MYH3: variants seen among roughly 807,000 people sequenced by gnomAD.
MYH3 encodes the protein myosin heavy chain 3.
In MYH3, 130 loss-of-function variants were observed where a neutral mutation model predicts 238.0. That is an observed-to-expected ratio of 0.55 (90% CI 0.47 to 0.63). MYH3 has a LOEUF of 0.63. MYH3 is among the 30% of genes least tolerant of loss of function. MYH3 has a pLI of 0.00. For missense variants in MYH3, 1,853 were observed against 2,374.9 expected, an observed-to-expected ratio of 0.78 and a Z score of 4.57; for synonymous variants, 880 against 924.1, an observed-to-expected ratio of 0.95 and a Z score of 0.86.
In MYH3 at chr17:10,634,196, C is replaced by T. The variant is rs765586237; in HGVS notation, c.4357-14G>A. On this transcript the variant is annotated splice_polypyrimidine_tract_variant and intron_variant, in intron 31 of 40. Coordinates refer to ENST00000583535, the MANE Select transcript of MYH3 (RefSeq NM_002470.4). ...CTCTGCCAACACCTGAAACACCGGACGGAAGTTCTCTCCGTTTCTGAGCTC... is the reference window on the plus strand; with the variant it reads ...CTCTGCCAACACCTGAAACACCGGATGGAAGTTCTCTCCGTTTCTGAGCTC... The T allele has an allele frequency of 7.4e-6, 12 of 1,613,966 alleles. No individual in the cohort carries two copies. The East Asian group carries it at 8.9e-5, about 12-fold the overall frequency.
chr17:10,672,126 A>AG, the MYH3 span, among the ~76,000 whole-genome samples: 1 of 152,194 alleles, frequency 6.6e-6, no homozygotes, highest in Non-Finnish European at 1.5e-5. Context: ...GGGAGGAGGC[A>AG]GTGGGTATTG....
At chr17:10,633,214 T>G (rs2074182080) in intron 33 of MYH3, among the ~76,000 whole-genome samples, 1 of 152,040 alleles carries the variant, frequency 6.6e-6, no homozygotes, top group Non-Finnish European at 1.5e-5. Context: ...AAAAAAAAAG[T>G]CCCAAATTTA....
At chr17:10,630,820 C>T (rs1410184373) in intron 36 of MYH3, among the ~76,000 whole-genome samples, 1 of 151,878 alleles carries the variant, frequency 6.6e-6, no homozygotes, top group African/African-American at 2.4e-5. Flanking sequence ...CATTGCACTC[C>T]AGCCTGGTCA....
At chr17:10,635,665 C>G (rs548047227) in intron 29 of MYH3, 70 bp downstream of exon 29, 17 of 1,612,814 alleles carry the variant, frequency 1.1e-5, no homozygotes, top group Admixed American at 1.7e-5. Context: ...AATGAAGTTG[C>G]CTTTTATTTT....
At position 10,645,781 on chromosome 17, in the gene MYH3, G is replaced by A; in HGVS notation, c.1067C>T (p.Ala356Val). The change falls in exon 12 of 41, where the codon GCC (alanine) becomes GTC (valine). Residue 356 changes from alanine (A) to valine (V), a missense_variant. By Grantham distance (64) the Ala-to-Val change is moderately conservative. Around this residue, in one of 3 missense-constraint regions of MYH3, gnomAD observed 678 missense variants for 1,058.9 expected, o/e 0.64. Coordinates refer to ENST00000583535, the MANE Select transcript of MYH3 (RefSeq NM_002470.4). Reference sequence around the variant, plus strand: ...CTTCATGTTCCCGTAGTGCATCACGGCTCCCGTCAGCTTGTAGAGCCCAGA... The same window carrying A: ...CTTCATGTTCCCGTAGTGCATCACGACTCCCGTCAGCTTGTAGAGCCCAGA... Reference protein sequence around the residue: ...EKSGLYKLTGAVMHYGNMKFK... With the variant: ...EKSGLYKLTGVVMHYGNMKFK... The A allele has an allele frequency of 6.2e-7, 1 of 1,613,860 alleles. No individual in the cohort carries two copies. The highest frequency in any genetic ancestry group is 8.5e-7 in the Non-Finnish European group (1 of 1,179,998).
intron 28 of MYH3, among the ~76,000 whole-genome samples, chr17:10,636,288 CAAAAAAAAAAAAA>C: frequency 1.2e-5 from 1 of 81,036 alleles, no homozygotes; most frequent in East Asian, 5.0e-4. Context: ...GCCTCAATCT[CAAAAAAAAAAAAA>C]AAAAAAAAGA....
Position 10,654,313 on chromosome 17 carries a change from A to G in MYH3, c.204+548T>C, listed in dbSNP as rs1597494689. ...TCTCCTGATGTGGATTTTAGAAACTAGTGAGCTCCAGAATTCCTCGCAGCA... is the reference window on the plus strand; with the variant it reads ...TCTCCTGATGTGGATTTTAGAAACTGGTGAGCTCCAGAATTCCTCGCAGCA... On this transcript the variant is annotated intron_variant, in intron 3 of 40. Transcript: ENST00000583535. The surrounding 1 kb of genome is among the most constrained non-coding windows in gnomAD (Gnocchi z 4.5). 6.6e-6 allele frequency among the ~76,000 whole-genome samples: 1 copy of G among 151,996 alleles called. No individual in the cohort carries two copies. Among genetic ancestry groups the G allele is most frequent in the East Asian group, 1.9e-4 (1 of 5,148 alleles).
At chr17:10,662,474 T>C in the MYH3 span, among the ~76,000 whole-genome samples, 85,440 of 152,138 alleles carry the variant, frequency 0.56, 26,127 homozygotes, top group African/African-American at 0.8. Context: ...CTAAGTCTTA[T>C]TTTGCTATGC....
chr17:10,647,257 T>A lies in MYH3; in HGVS notation c.823A>T (p.Thr275Ser), dbSNP rs2074330477. 1 of 1,614,040 alleles carries A rather than the reference T, an allele frequency of 6.2e-7. No homozygotes were observed. Among genetic ancestry groups the A allele is most frequent in the Admixed American group, 1.7e-5 (1 of 60,008 alleles). ...ETYLLEKSRV[T>S]FQLKAERSYH... The stretch of plus-strand genomic sequence containing the variant: ...CTTCTTTCAGCCTTCAGCTGGAAAG[T>A]GACTCTTGATTTTTCCAGAAGATCT... The change falls in exon 10 of 41, where the codon ACT becomes TCT. Residue 275 changes from threonine (T) to serine (S), a missense_variant. Transcript: ENST00000583535.
the MYH3 span, among the ~76,000 whole-genome samples, chr17:10,671,517 G>A: frequency 2.1e-5 from 3 of 145,926 alleles, no homozygotes; most frequent in African/African-American, 7.6e-5. Context: ...TTAACTATTT[G>A]TATTCCTCTT....
At chr17:10,677,316 G>A in the MYH3 span, 2 of 151,808 alleles carry the variant, frequency 1.3e-5, no homozygotes, top group African/African-American at 4.8e-5. Flanking sequence ...ATCTCAAAAA[G>A]AAACAAATAA....
intron 38 of MYH3, 26 bp downstream of exon 38, chr17:10,630,066 G>C (rs184126464): frequency 6.2e-7 from 1 of 1,609,372 alleles, no homozygotes; most frequent in Admixed American, 1.7e-5. Context: ...CAGAGGACAC[G>C]ATCATGGCGT....
rs764949469 is a variant in MYH3, at chr17:10,648,608, C to T, written c.684G>A (p.Leu228=). ...CAGTCTTGGCGTTCCCAAAGGCCTC[C>T]AGCAGGGGATTGGCACTGATGATTT... ...EDQIISANPL[L]EAFGNAKTVR... is the part of the protein sequence containing the mutation. Residue 228 remains leucine (L), a synonymous_variant, in exon 8 of 41, where the codon CTG becomes CTA. Transcript: ENST00000583535. 1.9e-6 allele frequency: 3 copies of T among 1,614,094 alleles called. No homozygotes were observed. Among genetic ancestry groups the T allele is most frequent in the Non-Finnish European group, 2.5e-6 (3 of 1,180,002 alleles).
Position 10,639,177 on chromosome 17 carries a change from G to T in MYH3, c.3115C>A (p.Leu1039Ile). The change falls in exon 25 of 41, where the codon CTA becomes ATA. Residue 1039 changes from leucine to isoleucine, a missense_variant. Around this residue, in one of 3 missense-constraint regions of MYH3, gnomAD observed 1,044 missense variants for 1,192.6 expected, o/e 0.88. Coordinates refer to ENST00000583535, the MANE Select transcript of MYH3 (RefSeq NM_002470.4). ...EQQVEDLESS[L>I]EQEKKLRVDL... Reference sequence around the variant, plus strand: ...ACTCGGAGCTTCTTTTCTTGTTCTAGGGAGCTTTCCAGCTGAAAAAGGCAC... The same window carrying T: ...ACTCGGAGCTTCTTTTCTTGTTCTATGGAGCTTTCCAGCTGAAAAAGGCAC... 1 of 1,614,094 alleles carries T rather than the reference G, an allele frequency of 6.2e-7. No individual in the cohort carries two copies. Among genetic ancestry groups the T allele is most frequent in the Non-Finnish European group, 8.5e-7 (1 of 1,179,986 alleles).
At chr17:10,637,335 CAG>C (rs2074225061) in intron 28 of MYH3, among the ~76,000 whole-genome samples, 1 of 152,152 alleles carries the variant, frequency 6.6e-6, no homozygotes, top group East Asian at 1.9e-4. Context: ...GCTGGGTTGA[CAG>C]GCATGAGCTA....
chr17:10,635,933 G>T, intron 28 of MYH3, 80 bp from the exon 29 acceptor site: 2 of 1,176,680 alleles, frequency 1.7e-6, no homozygotes, highest in Non-Finnish European at 1.3e-6. Flanking sequence ...AGGGCACTGT[G>T]CTAAGATCTG....
chr17:10,648,388 C>A (rs995690880), intron 8 of MYH3, among the ~76,000 whole-genome samples, 169 bp downstream of exon 8: 4 of 152,328 alleles, frequency 2.6e-5, no homozygotes, highest in South Asian at 2.1e-4. Flanking sequence ...CTCTTACACA[C>A]GCTGTTCATT....
At chr17:10,674,488 T>G in the MYH3 span, 1 of 248,600 alleles carries the variant, frequency 4.0e-6, no homozygotes. Context: ...GAGTGGAGCC[T>G]GAGAAGCTGC....
chr17:10,635,772 G>A lies in MYH3; in HGVS notation c.3938C>T (p.Thr1313Ile), dbSNP rs35230241. Residue 1313 changes from threonine to isoleucine, a missense_variant, in exon 29 of 41, where the codon ACA becomes ATA. Physicochemically the swap from Thr to Ile is moderately conservative, Grantham distance 89. This residue lies in a region of MYH3 where 1,044 missense variants were observed against 1,192.6 expected (regional missense o/e 0.88). Transcript: ENST00000583535. ...CTCCAGCTGCCTCTTGAGCTCTTCT[G>A]TTTGCTGGGTAAAGGCTTGCTTGCT... ...SRSKQAFTQQ[T>I]EELKRQLEEE... The A allele has an allele frequency of 3.9e-3, 6,287 of 1,614,128 alleles. 175 individuals are homozygous for A. The African/African-American group carries it at 0.069, about 18-fold the overall frequency.
Sources: allele counts gnomAD v4.1 joint callset (sites outside exome capture counted in the v4.1 genomes callset), GRCh38; gene constraint gnomAD v4.1.1; regional missense constraint gnomAD v4.1.1; non-coding constraint Gnocchi (gnomAD v3.1); transcripts MANE v1.5; gene names NCBI Gene and HGNC (gene_info 2026-07-23, HGNC 2026-07-21).